The following PALM2AKAP2 variants were observed in gnomAD, a reference collection of about 807,000 sequenced individuals.
PALM2AKAP2 encodes PALM2 and AKAP2 fusion, also known as PALM2-AKAP2 fusion protein.
A neutral mutation model predicts 71.5 loss-of-function variants in PALM2AKAP2; 37 were observed. The ratio of observed to expected loss-of-function variants is 0.52; its 90% confidence interval spans 0.40 to 0.68. The LOEUF is 0.68. Among genes scored for constraint, PALM2AKAP2 ranks in the 30% least tolerant of loss-of-function variants. The probability of loss-of-function intolerance (pLI) is 0.00; values close to 1 mark genes in which losing one functional copy is unlikely to be tolerated. For synonymous variants in PALM2AKAP2, 468 were observed against 478.8 expected (o/e 0.98, Z 0.29); for missense variants, 1,224 against 1,191.8 (o/e 1.03, Z -0.40).
chr9:109,884,594 T>C (rs1829925948), intron 3 of PALM2AKAP2, among the ~76,000 whole-genome samples: 1 of 152,160 alleles, frequency 6.6e-6, no homozygotes, highest in Non-Finnish European at 1.5e-5. Context: ...ATAATAGGAA[T>C]CTTGAAAACT....
intron 6 of PALM2AKAP2, among the ~76,000 whole-genome samples, chr9:110,001,388 C>T (rs62580192): frequency 0.08 from 12,101 of 152,166 alleles, 654 homozygotes; most frequent in East Asian, 0.27. Flanking sequence ...TGTTTTGGTA[C>T]CAGTACCATG....
intron 6 of PALM2AKAP2, among the ~76,000 whole-genome samples, chr9:109,941,862 G>A (rs1189662429): frequency 6.6e-6 from 1 of 152,210 alleles, no homozygotes; most frequent in Non-Finnish European, 1.5e-5. Flanking sequence ...ATCTAGGGAA[G>A]AGGAAGTGAA....
At chr9:110,034,821 T>C (rs1833352350) in intron 7 of PALM2AKAP2, among the ~76,000 whole-genome samples, 1 of 151,586 alleles carries the variant, frequency 6.6e-6, no homozygotes, top group Non-Finnish European at 1.5e-5. Context: ...GCCAGTCTGG[T>C]CTCAAACTCC....
chr9:109,913,512 A>AG (rs1043077592), intron 3 of PALM2AKAP2, among the ~76,000 whole-genome samples: 5 of 152,160 alleles, frequency 3.3e-5, no homozygotes, highest in African/African-American at 1.2e-4. Flanking sequence ...CCCCATTTAC[A>AG]GGCGTTGATT....
At chr9:110,081,829 T>A (rs1481120024) in intron 1 of PALM2AKAP2, among the ~76,000 whole-genome samples, 1 of 152,078 alleles carries the variant, frequency 6.6e-6, no homozygotes, top group East Asian at 1.9e-4. Context: ...GCCCTCACGA[T>A]GTTAGAGATT....
chr9:109,975,476 C>A (rs1255715665), intron 6 of PALM2AKAP2, among the ~76,000 whole-genome samples: 1 of 152,244 alleles, frequency 6.6e-6, no homozygotes, highest in African/African-American at 2.4e-5. Context: ...CAATTCAATG[C>A]TAATCTCTTT....
At chr9:110,083,554 CA>C (rs1834494563) in intron 1 of PALM2AKAP2, among the ~76,000 whole-genome samples, 1 of 152,144 alleles carries the variant, frequency 6.6e-6, no homozygotes, top group African/African-American at 2.4e-5. Context: ...TTTAAGTCTG[CA>C]AAGTTTTTTG....
intron 6 of PALM2AKAP2, among the ~76,000 whole-genome samples, chr9:109,986,990 A>G (rs1486924263): frequency 6.6e-6 from 1 of 152,252 alleles, no homozygotes; most frequent in East Asian, 1.9e-4. Context: ...CATTTACAGA[A>G]ACATAATGTA....
At chr9:109,641,729 C>T (rs896604201) in intron 1 of PALM2AKAP2, among the ~76,000 whole-genome samples, 1 of 152,302 alleles carries the variant, frequency 6.6e-6, no homozygotes, top group Non-Finnish European at 1.5e-5. Context: ...TCTCCTCTTC[C>T]GTTCTCTTCC....
At chr9:110,088,275 T>C (rs2118760363) in intron 1 of PALM2AKAP2, among the ~76,000 whole-genome samples, 1 of 152,254 alleles carries the variant, frequency 6.6e-6, no homozygotes, top group South Asian at 2.1e-4. Context: ...ATTAGTCTGA[T>C]TGGTTGCAGG....
intron 1 of PALM2AKAP2, among the ~76,000 whole-genome samples, chr9:109,699,044 T>G (rs555000410): frequency 6.6e-6 from 1 of 152,350 alleles, no homozygotes; most frequent in South Asian, 2.1e-4. Context: ...AGGCTAAAGA[T>G]GACAACTTGA....
chr9:110,065,200 C>CT (rs1564286648), intron 1 of PALM2AKAP2, among the ~76,000 whole-genome samples: 2 of 152,094 alleles, frequency 1.3e-5, no homozygotes, highest in African/African-American at 2.4e-5. Context: ...AGTTGTTGTC[C>CT]TTTTTTGTCT....
At chr9:110,004,857 C>T (rs1046783111) in intron 6 of PALM2AKAP2, among the ~76,000 whole-genome samples, 1 of 152,198 alleles carries the variant, frequency 6.6e-6, no homozygotes, top group Non-Finnish European at 1.5e-5. Context: ...ACGTAGTTCT[C>T]GTGCCGTGGT....
intron 1 of PALM2AKAP2, among the ~76,000 whole-genome samples, chr9:109,735,519 C>A (rs1297594436): frequency 6.6e-6 from 1 of 152,016 alleles, no homozygotes; most frequent in Non-Finnish European, 1.5e-5. Context: ...ATCTTCAATG[C>A]TATGGAATTG....
intron 1 of PALM2AKAP2, among the ~76,000 whole-genome samples, chr9:109,738,903 G>A (rs1169666): frequency 0.46 from 69,500 of 152,016 alleles, 16,166 homozygotes; most frequent in East Asian, 0.5. Context: ...CACCTTATCT[G>A]CTCTTTATTC....
At chr9:109,862,374 T>C (rs1829332532) in intron 1 of PALM2AKAP2, among the ~76,000 whole-genome samples, 1 of 152,206 alleles carries the variant, frequency 6.6e-6, no homozygotes. Context: ...TTTTTTCTCT[T>C]TCAACTCTGC....
exon 2 of PALM2AKAP2, chr9:110,136,522 C>G: frequency 6.2e-7 from 1 of 1,613,592 alleles, no homozygotes; most frequent in Non-Finnish European, 8.5e-7. Context: ...CCCCTGTCCA[C>G]GAGGCGACCC....
rs143188413 is a variant in PALM2AKAP2 at position 109,695,801 on chromosome 9, C to G, written c.5+54935C>G. Among the ~76,000 whole-genome samples, 179 of 152,224 alleles carry G rather than the reference C, an allele frequency of 1.2e-3. 1 individual carries two copies. Among genetic ancestry groups the G allele is most frequent in the African/African-American group, 4.0e-3 (168 of 41,538 alleles). Reference sequence around the variant, plus strand: ...GAAAGACAAATATTGCAAGTTCTCACTCATATGTGGGAGCTAAAACCGTAG... The same window carrying G: ...GAAAGACAAATATTGCAAGTTCTCAGTCATATGTGGGAGCTAAAACCGTAG... On this transcript the variant is annotated intron_variant, in intron 1 of 6. Coordinates refer to the PALM2AKAP2 transcript ENST00000374531.
intron 1 of PALM2AKAP2, among the ~76,000 whole-genome samples, chr9:109,689,212 T>C (rs1827845773): frequency 6.7e-6 from 1 of 150,292 alleles, no homozygotes; most frequent in Non-Finnish European, 1.5e-5. Flanking sequence ...TTTTTTTTTT[T>C]TTTTTTTTTA....
Sources: allele counts gnomAD v4.1 joint callset (sites outside exome capture counted in the v4.1 genomes callset), GRCh38; gene constraint gnomAD v4.1.1; transcripts MANE v1.5; gene names NCBI Gene and HGNC (gene_info 2026-07-23, HGNC 2026-07-21).